Variants in ZC3H12C observed in about 807,000 individuals in gnomAD.
ZC3H12C encodes probable ribonuclease ZC3H12C.
ZC3H12C carries 20 observed loss-of-function variants against 76.3 expected under a neutral mutation model. The ratio of observed to expected loss-of-function variants is 0.26; its 90% confidence interval spans 0.18 to 0.38. ZC3H12C has a LOEUF of 0.38. ZC3H12C is among the 10% of genes least tolerant of loss of function. ZC3H12C has a pLI of 1.00. For synonymous variants in ZC3H12C, 352 were observed against 399.6 expected (o/e 0.88, Z 1.42); for missense variants, 874 against 1,086.5 (o/e 0.80, Z 2.75).
Position 110,105,574 on chromosome 11 carries a change from T to C in ZC3H12C, c.21+12142T>C, listed in dbSNP as rs186343677. 5.9e-3 allele frequency among the ~76,000 whole-genome samples: 893 copies of C among 152,324 alleles called. 6 individuals are homozygous for C. Among genetic ancestry groups the C allele is most frequent in the African/African-American group, 0.02 (851 of 41,586 alleles). On this transcript the variant is annotated intron_variant, in intron 1 of 5. Coordinates refer to ENST00000278590, the MANE Select transcript of ZC3H12C (RefSeq NM_033390.2). ...AGCATTTTATTACATATGTGAAATA[T>C]AGAAAATATAAAATGATAGTGAAAA...
chr11:110,125,757 C>T (rs1861732641), intron 1 of ZC3H12C, among the ~76,000 whole-genome samples: 1 of 152,216 alleles, frequency 6.6e-6, no homozygotes. Flanking sequence ...CAGGGCAGCC[C>T]ATCATGGCCC....
At chr11:110,138,712 C>T (rs1179463193) in intron 2 of ZC3H12C, among the ~76,000 whole-genome samples, 1 of 151,980 alleles carries the variant, frequency 6.6e-6, no homozygotes, top group Non-Finnish European at 1.5e-5. Flanking sequence ...CACATGCCAC[C>T]GTGCCTGGCT....
At chr11:110,158,512 A>G (rs74331180) in intron 3 of ZC3H12C, among the ~76,000 whole-genome samples, 4 of 139,072 alleles carry the variant, frequency 2.9e-5, no homozygotes, top group African/African-American at 1.2e-4. Flanking sequence ...TCAGTCACAG[A>G]AAAAAAAAAA....
intron 1 of ZC3H12C, chr11:110,136,403 G>A (rs1861959742): frequency 2.7e-6 from 1 of 370,556 alleles, no homozygotes; most frequent in South Asian, 5.1e-5. Flanking sequence ...AGAATCAGAC[G>A]AAACTGGGTA....
At chr11:110,139,975 CT>C (rs1862041344) in intron 2 of ZC3H12C, among the ~76,000 whole-genome samples, 1 of 150,158 alleles carries the variant, frequency 6.7e-6, no homozygotes, top group Admixed American at 6.7e-5. Flanking sequence ...AGATTTTTCC[CT>C]GGTTTTAGGT....
At chr11:110,117,669 TATATATATTATATATATACACACACAC>T (rs1161142518) in intron 1 of ZC3H12C, among the ~76,000 whole-genome samples, 4 of 143,580 alleles carry the variant, frequency 2.8e-5, no homozygotes, top group African/African-American at 5.1e-5. Flanking sequence ...CACACACATA[TATATATATTATATATATACACACACAC>T]ATATATATTA....
At chr11:110,121,634 C>T (rs1245935262) in intron 1 of ZC3H12C, among the ~76,000 whole-genome samples, 1 of 151,828 alleles carries the variant, frequency 6.6e-6, no homozygotes, top group East Asian at 1.9e-4. Context: ...CAGCAGCACA[C>T]TTGTCTAAAA....
chr11:110,093,941 C>T (rs1861064595), intron 1 of ZC3H12C, among the ~76,000 whole-genome samples: 1 of 152,134 alleles, frequency 6.6e-6, no homozygotes, highest in South Asian at 2.1e-4. Flanking sequence ...AACCCCAGGC[C>T]GAGCGTCACG....
rs897258193 is a variant in ZC3H12C at position 110,166,465 on chromosome 11, G to A, written c.*728G>A. 4 of 152,058 alleles carry A rather than the reference G, an allele frequency of 2.6e-5. No homozygotes were observed. Among genetic ancestry groups the A allele is most frequent in the Non-Finnish European group, 5.9e-5 (4 of 67,986 alleles). 9.4% of individuals were successfully genotyped at this position (152,058 alleles called of 1,614,324 possible). On this transcript the variant is annotated 3_prime_UTR_variant, in exon 6 of 6. Transcript: ENST00000278590. ...ATGGTCAATTTAAAAGAAAGCAGAT[G>A]CAATCAATGGAAAAATGTTTCCATT...
intron 3 of ZC3H12C, among the ~76,000 whole-genome samples, chr11:110,156,017 T>A (rs1171240613): frequency 2.6e-5 from 4 of 152,080 alleles, no homozygotes; most frequent in Non-Finnish European, 4.4e-5. Context: ...ACTGTGTAAG[T>A]GTGTCTAAGT....
chr11:110,137,175 G>C lies in ZC3H12C; in HGVS notation c.534G>C (p.Gln178His). 3 of 1,613,850 alleles carry C rather than the reference G, an allele frequency of 1.9e-6. No homozygotes were observed. Among genetic ancestry groups the C allele is most frequent in the Non-Finnish European group, 2.5e-6 (3 of 1,179,848 alleles). Reference sequence around the variant, plus strand: ...TTAAGTTAGGTTATTCTGAAGAACAGGTTCAGCTTGTACTAAACAAACTTG... The same window carrying C: ...TTAAGTTAGGTTATTCTGAAGAACACGTTCAGCTTGTACTAAACAAACTTG... ...FALKLGYSEE[Q>H]VQLVLNKLGT... is the part of the protein sequence containing the mutation. Residue 178 changes from glutamine (Q) to histidine (H), a missense_variant, in exon 2 of 6, where the codon CAG (glutamine) becomes CAC (histidine). Physicochemically the swap from Gln to His is conservative, Grantham distance 24 (BLOSUM62 0). Transcript: ENST00000278590.
At chr11:110,133,022 T>C (rs1236214506) in intron 1 of ZC3H12C, among the ~76,000 whole-genome samples, 2 of 152,184 alleles carry the variant, frequency 1.3e-5, no homozygotes, top group Non-Finnish European at 2.9e-5. Flanking sequence ...AGTAATTTCT[T>C]GTAAGTTTTA....
At chr11:110,139,512 G>T (rs1862030908) in intron 2 of ZC3H12C, among the ~76,000 whole-genome samples, 1 of 152,188 alleles carries the variant, frequency 6.6e-6, no homozygotes, top group African/African-American at 2.4e-5. Flanking sequence ...GGAGTAGAAA[G>T]AATCTCGCCA....
chr11:110,097,677 T>C (rs1242245750), intron 1 of ZC3H12C, among the ~76,000 whole-genome samples: 2 of 152,184 alleles, frequency 1.3e-5, no homozygotes, highest in African/African-American at 4.8e-5. Context: ...CAATTAATAA[T>C]AGCAGAATGA....
chr11:110,165,896 C>A lies in ZC3H12C; in HGVS notation c.*159C>A. ...ATCATGGAATCTGTATGTATAGCCC[C>A]ACATGGTGGAAGTATCACGGGATTG... On this transcript the variant is annotated 3_prime_UTR_variant, in exon 6 of 6. Transcript: ENST00000278590. 1.4e-6 allele frequency: 1 copy of A among 690,472 alleles called. No individual in the cohort carries two copies. Among genetic ancestry groups the A allele is most frequent in the Non-Finnish European group, 2.3e-6 (1 of 433,944 alleles). The allele number at this position is 690,472 out of a possible 1,614,324, so 42.8% of individuals were successfully genotyped here.
chr11:110,104,825 A>G (rs1861293180), intron 1 of ZC3H12C, among the ~76,000 whole-genome samples: 1 of 152,234 alleles, frequency 6.6e-6, no homozygotes, highest in South Asian at 2.1e-4. Context: ...ATGATTTAGC[A>G]GTGTCGTTGA....
chr11:110,156,638 A>G (rs1240607438), intron 3 of ZC3H12C, among the ~76,000 whole-genome samples: 1 of 152,236 alleles, frequency 6.6e-6, no homozygotes, highest in Admixed American at 6.5e-5. Context: ...ACTCATGAAC[A>G]TAAGACGACG....
chr11:110,125,770 C>A (rs765413050), intron 1 of ZC3H12C, among the ~76,000 whole-genome samples: 1 of 152,236 alleles, frequency 6.6e-6, no homozygotes, highest in African/African-American at 2.4e-5. Context: ...CATGGCCCCA[C>A]ATACATCTGG....
intron 2 of ZC3H12C, among the ~76,000 whole-genome samples, chr11:110,138,794 A>G (rs111780818): frequency 0.041 from 6,312 of 152,198 alleles, 414 homozygotes; most frequent in Admixed American, 0.17. Flanking sequence ...CTTGACCTCA[A>G]GTGATCTGCC....
Sources: gnomAD v4.1 joint callset for allele counts (sites outside exome capture counted in the v4.1 genomes callset) on GRCh38, gnomAD v4.1.1 for gene constraint, MANE v1.5 for transcripts, NCBI Gene and HGNC (gene_info 2026-07-23, HGNC 2026-07-21) for gene names.